Variants in MBD5 observed in about 807,000 individuals in gnomAD.
MBD5 encodes the protein methyl-CpG binding domain protein 5.
A neutral mutation model predicts 117.3 loss-of-function variants in MBD5; 13 were observed. That is an observed-to-expected ratio of 0.11 (90% CI 0.07 to 0.18). The LOEUF is 0.18. Among genes scored for constraint, MBD5 ranks in the 10% least tolerant of loss-of-function variants. The probability of loss-of-function intolerance (pLI) is 1.00; values close to 1 mark genes in which losing one functional copy is unlikely to be tolerated. For missense variants in MBD5, 1,879 were observed against 2,093.8 expected, an observed-to-expected ratio of 0.90 and a Z score of 2.00; for synonymous variants, 727 against 766.4, an observed-to-expected ratio of 0.95 and a Z score of 0.85.
intron 4 of MBD5, among the ~76,000 whole-genome samples, chr2:148,367,655 A>C (rs1314300285): frequency 6.6e-6 from 1 of 152,246 alleles, no homozygotes; most frequent in African/African-American, 2.4e-5. Context: ...ACCCCATCAA[A>C]AAATGGGAGA....
At chr2:148,266,476 G>A (rs1700863528) in intron 3 of MBD5, among the ~76,000 whole-genome samples, 1 of 151,918 alleles carries the variant, frequency 6.6e-6, no homozygotes, top group African/African-American at 2.4e-5. Context: ...TGAAAGAAAA[G>A]GTTGCCTGTT....
At chr2:148,057,783 G>C (rs1694910590) in intron 1 of MBD5, among the ~76,000 whole-genome samples, 1 of 151,758 alleles carries the variant, frequency 6.6e-6, no homozygotes, top group Non-Finnish European at 1.5e-5. Context: ...TTAAAGTTTA[G>C]CAGCTGCATG....
chr2:148,406,869 C>T (rs1481930456), intron 4 of MBD5, among the ~76,000 whole-genome samples: 1 of 152,168 alleles, frequency 6.6e-6, no homozygotes, highest in African/African-American at 2.4e-5. Flanking sequence ...GAAATGCCAC[C>T]CTCTCAGAAG....
chr2:148,055,932 G>A (rs908355747), intron 1 of MBD5: 10 of 152,110 alleles, frequency 6.6e-5, no homozygotes, highest in Admixed American at 6.5e-4. Flanking sequence ...ATAGTACTCT[G>A]TTAGAAATTT....
At chr2:148,410,382 C>G (rs1255251227) in intron 4 of MBD5, among the ~76,000 whole-genome samples, 7 of 152,080 alleles carry the variant, frequency 4.6e-5, no homozygotes, top group Admixed American at 2.0e-4. Context: ...CTTTGGGGCT[C>G]TCTATCTTTT....
rs1331792562 is a variant in MBD5 at position 148,300,318 on chromosome 2, G to A, written c.-679-41896G>A. 3.9e-5 allele frequency among the ~76,000 whole-genome samples: 6 copies of A among 152,140 alleles called. No homozygotes were observed. The East Asian group carries it at 1.2e-3, about 29-fold the overall frequency. ...TCCACCTGCCTTGGCCTTCCAAAGTGCTGGGATTACAGACATGAGCCATTG... is the reference window on the plus strand; with the variant it reads ...TCCACCTGCCTTGGCCTTCCAAAGTACTGGGATTACAGACATGAGCCATTG... On this transcript the variant is annotated intron_variant, in intron 3 of 13. Transcript: ENST00000642680.
At chr2:148,326,613 T>C (rs1702459503) in intron 3 of MBD5, among the ~76,000 whole-genome samples, 1 of 152,160 alleles carries the variant, frequency 6.6e-6, no homozygotes, top group South Asian at 2.1e-4. Flanking sequence ...TCTCTTTTGA[T>C]CTTTGTTGGT....
intron 1 of MBD5, among the ~76,000 whole-genome samples, chr2:148,123,593 T>C (rs1478678479): frequency 6.6e-6 from 1 of 152,144 alleles, no homozygotes; most frequent in Non-Finnish European, 1.5e-5. Context: ...AATGTGTTCT[T>C]TGTATGTTTA....
At chr2:148,202,402 A>G (rs1475329509) in intron 2 of MBD5, among the ~76,000 whole-genome samples, 2 of 152,106 alleles carry the variant, frequency 1.3e-5, no homozygotes, top group Non-Finnish European at 2.9e-5. Flanking sequence ...TGACCTAGGC[A>G]GCAGAATGGA....
chr2:148,430,032 A>G (rs1343614179), intron 4 of MBD5, among the ~76,000 whole-genome samples: 2 of 152,204 alleles, frequency 1.3e-5, no homozygotes, highest in East Asian at 1.9e-4. Flanking sequence ...ATTTGCAAAC[A>G]TATTGGTTTT....
chr2:148,228,910 G>C (rs1699909456), intron 2 of MBD5, among the ~76,000 whole-genome samples: 1 of 152,172 alleles, frequency 6.6e-6, no homozygotes, highest in Non-Finnish European at 1.5e-5. Context: ...GGTGTTTATA[G>C]TATTCTCTGA....
At chr2:148,326,164 C>G (rs990005817) in intron 3 of MBD5, among the ~76,000 whole-genome samples, 1 of 152,120 alleles carries the variant, frequency 6.6e-6, no homozygotes, top group Non-Finnish European at 1.5e-5. Context: ...GATTCTTAAT[C>G]CTGAGTTCTA....
intron 4 of MBD5, among the ~76,000 whole-genome samples, chr2:148,448,565 C>T (rs1183444858): frequency 6.6e-6 from 1 of 151,788 alleles, no homozygotes; most frequent in African/African-American, 2.4e-5. Flanking sequence ...GTATAAATTA[C>T]TTTACCTCTG....
At chr2:148,217,508 T>C (rs1349869644) in intron 2 of MBD5, among the ~76,000 whole-genome samples, 1 of 152,208 alleles carries the variant, frequency 6.6e-6, no homozygotes, top group East Asian at 1.9e-4. Context: ...TGGGGATCAA[T>C]GGAATAATCC....
intron 1 of MBD5, among the ~76,000 whole-genome samples, chr2:148,166,224 T>C (rs1698122765): frequency 6.6e-6 from 1 of 152,148 alleles, no homozygotes; most frequent in Non-Finnish European, 1.5e-5. Flanking sequence ...CTTTATTTAC[T>C]CCTGTACATA....
At chr2:148,166,964 G>GT (rs994845178) in intron 1 of MBD5, among the ~76,000 whole-genome samples, 7 of 151,670 alleles carry the variant, frequency 4.6e-5, no homozygotes, top group Non-Finnish European at 8.8e-5. Context: ...TTTTGTTTCT[G>GT]TTTTTTTGAT....
intron 1 of MBD5, among the ~76,000 whole-genome samples, chr2:148,169,887 A>G (rs934660495): frequency 7.3e-6 from 1 of 136,172 alleles, no homozygotes; most frequent in Admixed American, 8.5e-5. Context: ...GTCATACCCA[A>G]TAAGGGATTC....
At chr2:148,220,430 T>C (rs1305698213) in intron 2 of MBD5, among the ~76,000 whole-genome samples, 2 of 152,142 alleles carry the variant, frequency 1.3e-5, no homozygotes, top group Non-Finnish European at 2.9e-5. Context: ...ACATGCATTA[T>C]GTGGAAGAGA....
rs544881331 is a variant in MBD5 at position 148,388,229 on chromosome 2, T to G, written c.-557+45893T>G. On this transcript the variant is annotated intron_variant, in intron 4 of 13. Coordinates refer to ENST00000642680, the MANE Select transcript of MBD5 (RefSeq NM_001378120.1). Reference sequence around the variant, plus strand: ...GAATATAAAATTTAGGAGAATGCAATTGAAAAATATGTTCGAAGTTGGATT... The same window carrying G: ...GAATATAAAATTTAGGAGAATGCAAGTGAAAAATATGTTCGAAGTTGGATT... Among the ~76,000 whole-genome samples the G allele has an allele frequency of 4.6e-5, 7 of 152,316 alleles. No individual in the cohort carries two copies. In the South Asian group the frequency reaches 1.4e-3, roughly 32 times the overall value.
Sources: allele counts gnomAD v4.1 joint callset (sites outside exome capture counted in the v4.1 genomes callset), GRCh38; gene constraint gnomAD v4.1.1; transcripts MANE v1.5; gene names NCBI Gene and HGNC (gene_info 2026-07-23, HGNC 2026-07-21).